Variants in ASIC2 observed in about 807,000 individuals in gnomAD.
The protein encoded by ASIC2 is acid-sensing ion channel 2.
In ASIC2, 25 loss-of-function variants were observed where a neutral mutation model predicts 57.3. The observed-to-expected ratio is 0.44, with a 90% confidence interval of 0.32 to 0.61. The LOEUF (loss-of-function observed/expected upper bound fraction) is 0.61, where lower values mean the gene tolerates loss of function less well. ASIC2 is among the 20% of genes least tolerant of loss of function. ASIC2 has a pLI of 0.06. For missense variants in ASIC2, 641 were observed against 738.1 expected, an observed-to-expected ratio of 0.87 and a Z score of 1.52; for synonymous variants, 319 against 307.5, an observed-to-expected ratio of 1.04 and a Z score of -0.39.
intron 1 of ASIC2, among the ~76,000 whole-genome samples, chr17:33,903,293 A>G (rs1915270086): frequency 2.0e-5 from 3 of 152,140 alleles, no homozygotes; most frequent in Admixed American, 6.5e-5. Flanking sequence ...TTGAATGCTG[A>G]TAGAAAATTC....
intron 1 of ASIC2, among the ~76,000 whole-genome samples, chr17:33,523,084 T>A (rs1277147714): frequency 6.6e-6 from 1 of 152,196 alleles, no homozygotes; most frequent in Non-Finnish European, 1.5e-5. Flanking sequence ...GATTCTTCTG[T>A]CTTAAGGAAA....
chr17:33,642,157 G>A (rs1047700981), intron 1 of ASIC2, among the ~76,000 whole-genome samples: 1 of 151,594 alleles, frequency 6.6e-6, no homozygotes, highest in Admixed American at 6.6e-5. Context: ...ACTATTTCAG[G>A]TAGGAAGTAA....
At position 33,811,742 on chromosome 17, in the gene ASIC2, C is replaced by T. The variant is rs899252401; in HGVS notation, c.555+344236G>A. On this transcript the variant is annotated intron_variant, in intron 1 of 9. Transcript: ENST00000359872. ...TTGTTAATGAAGTAGCTGAGGCTGGCAGAGGGGCAGCAACTTGCCTAAGGT... is the reference window on the plus strand; with the variant it reads ...TTGTTAATGAAGTAGCTGAGGCTGGTAGAGGGGCAGCAACTTGCCTAAGGT... Among the ~76,000 whole-genome samples the T allele has an allele frequency of 1.4e-4, 21 of 152,172 alleles. 1 individual carries two copies. The highest frequency in any genetic ancestry group is 1.1e-3 in the Admixed American group (17 of 15,276).
intron 1 of ASIC2, among the ~76,000 whole-genome samples, chr17:33,578,542 G>A (rs1236541144): frequency 1.3e-5 from 2 of 152,164 alleles, no homozygotes; most frequent in Non-Finnish European, 2.9e-5. Flanking sequence ...AAATGGCTAA[G>A]GGACACCAAG....
chr17:33,907,181 A>T (rs1000698336), intron 1 of ASIC2, among the ~76,000 whole-genome samples: 1 of 152,202 alleles, frequency 6.6e-6, no homozygotes, highest in African/African-American at 2.4e-5. Flanking sequence ...CTTGAAGCGG[A>T]GGTCCTGTTT....
chr17:34,023,989 C>T (rs1907279009), intron 1 of ASIC2, among the ~76,000 whole-genome samples: 1 of 152,202 alleles, frequency 6.6e-6, no homozygotes, highest in Admixed American at 6.5e-5. Flanking sequence ...TGTTACTACT[C>T]TCATTCCACA....
chr17:33,215,541 A>G (rs71377477), intron 1 of ASIC2, among the ~76,000 whole-genome samples: 2,894 of 152,336 alleles, frequency 0.019, 84 homozygotes, highest in African/African-American at 0.066. Flanking sequence ...TGATACACAG[A>G]GAATAATCTA....
In ASIC2 at chr17:33,935,223, A is replaced by G. The variant is rs57789427; in HGVS notation, c.555+220755T>C. Among the ~76,000 whole-genome samples the G allele has an allele frequency of 5.3e-3, 810 of 152,228 alleles. 13 individuals are homozygous for G. Among genetic ancestry groups the G allele is most frequent in the African/African-American group, 0.018 (758 of 41,532 alleles). ...TTTTCAGCCCCCAAACCTCCTAGTCATCCTTTAAACCCACTCAAATGTCAC... is the reference window on the plus strand; with the variant it reads ...TTTTCAGCCCCCAAACCTCCTAGTCGTCCTTTAAACCCACTCAAATGTCAC... On this transcript the variant is annotated intron_variant, in intron 1 of 9. Transcript: ENST00000359872.
intron 1 of ASIC2, among the ~76,000 whole-genome samples, chr17:33,565,118 T>A (rs2141987070): frequency 6.6e-6 from 1 of 152,172 alleles, no homozygotes; most frequent in Non-Finnish European, 1.5e-5. Flanking sequence ...CACTGCTGGG[T>A]TAGGGTCTCC....
chr17:33,720,759 T>C (rs943312056), intron 1 of ASIC2, among the ~76,000 whole-genome samples: 1 of 152,204 alleles, frequency 6.6e-6, no homozygotes, highest in African/African-American at 2.4e-5. Flanking sequence ...GAAATAATGC[T>C]TGTGACTCCA....
chr17:33,838,831 G>A (rs1913346224), intron 1 of ASIC2, among the ~76,000 whole-genome samples: 1 of 152,148 alleles, frequency 6.6e-6, no homozygotes, highest in African/African-American at 2.4e-5. Flanking sequence ...GGTCTACCAA[G>A]CATCAGAATG....
chr17:33,140,707 CT>C (rs1490793648), intron 1 of ASIC2, among the ~76,000 whole-genome samples: 3 of 152,232 alleles, frequency 2.0e-5, no homozygotes, highest in Admixed American at 2.0e-4. Context: ...AAGTGTAAGA[CT>C]TTTGCTGAAT....
At chr17:33,688,226 G>A (rs200995033) in intron 1 of ASIC2, among the ~76,000 whole-genome samples, 4 of 152,124 alleles carry the variant, frequency 2.6e-5, no homozygotes, top group East Asian at 3.9e-4. Flanking sequence ...TGGAGACTTC[G>A]TGTTGGTTTT....
chr17:33,334,497 A>G (rs1907436806), intron 1 of ASIC2, among the ~76,000 whole-genome samples: 2 of 152,198 alleles, frequency 1.3e-5, no homozygotes, highest in African/African-American at 4.8e-5. Context: ...GGCTTCCAGC[A>G]TGGACCAACT....
intron 1 of ASIC2, among the ~76,000 whole-genome samples, chr17:34,025,140 C>T (rs959263669): frequency 1.3e-5 from 2 of 152,200 alleles, no homozygotes; most frequent in African/African-American, 4.8e-5. Context: ...AGCTCCTAGA[C>T]CCTGCTCTGC....
chr17:34,017,455 G>A (rs1262493143), intron 1 of ASIC2, among the ~76,000 whole-genome samples: 2 of 152,168 alleles, frequency 1.3e-5, no homozygotes, highest in Non-Finnish European at 2.9e-5. Flanking sequence ...AAATATTCAA[G>A]TGAAAAGAAG....
intron 2 of ASIC2, among the ~76,000 whole-genome samples, chr17:33,089,983 C>T (rs2092151034): frequency 6.6e-6 from 1 of 152,178 alleles, no homozygotes; most frequent in African/African-American, 2.4e-5. Flanking sequence ...TCCAAACAGT[C>T]TACAGAATGA....
intron 1 of ASIC2, among the ~76,000 whole-genome samples, chr17:33,469,536 G>GAC (rs1912973899): frequency 6.6e-6 from 1 of 152,154 alleles, no homozygotes; most frequent in African/African-American, 2.4e-5. Context: ...CAGACACCGT[G>GAC]ACCATCATGA....
intron 1 of ASIC2, among the ~76,000 whole-genome samples, chr17:33,760,591 AG>A (rs1456740460): frequency 2.6e-5 from 4 of 151,014 alleles, no homozygotes; most frequent in African/African-American, 7.3e-5. Flanking sequence ...TATATAAAGC[AG>A]GATATATGCA....
Sources: allele counts gnomAD v4.1 joint callset (sites outside exome capture counted in the v4.1 genomes callset), GRCh38; gene constraint gnomAD v4.1.1; transcripts MANE v1.5; gene names NCBI Gene and HGNC (gene_info 2026-07-23, HGNC 2026-07-21).